FZD3: variants seen among roughly 807,000 people sequenced by gnomAD.
FZD3 encodes the protein frizzled-3.
In FZD3, 30 loss-of-function variants were observed where a neutral mutation model predicts 60.7. The ratio of observed to expected loss-of-function variants is 0.49; its 90% CI spans 0.37 to 0.67. The LOEUF is 0.67. Among genes scored for constraint, FZD3 ranks in the 30% least tolerant of loss-of-function variants. FZD3 has a pLI of 0.00. For synonymous variants in FZD3, 246 were observed against 275.2 expected, an observed-to-expected ratio of 0.89 and a Z score of 1.05; for missense variants, 605 against 838.7, an observed-to-expected ratio of 0.72 and a Z score of 3.44.
At position 28,566,761 on chromosome 8, in the gene FZD3, G is replaced by A. The variant is rs1805712257; in HGVS notation, c.*3750G>A. 6.6e-6 allele frequency: 1 copy of A among 151,932 alleles called. No individual in the cohort carries two copies. The highest frequency in any genetic ancestry group is 2.1e-4 in the South Asian group (1 of 4,822). The allele number at this position is 151,932 out of a possible 1,614,324, so 9.4% of individuals were successfully genotyped here. ...GTACATTTACATATTACCATATTTG[G>A]ATGACTTACATAGTCTGGTGTAATG... On this transcript the variant is annotated 3_prime_UTR_variant, in exon 8 of 8. Transcript: ENST00000240093.
intron 3 of FZD3, among the ~76,000 whole-genome samples, chr8:28,518,850 A>G (rs1295749694): frequency 6.6e-6 from 1 of 152,226 alleles, no homozygotes; most frequent in African/African-American, 2.4e-5. Flanking sequence ...GGCTGTACGT[A>G]TCAGGCTACC....
At position 28,571,339 on chromosome 8, in the gene FZD3, G is replaced by A. The variant is rs1223344581; in HGVS notation, c.*8328G>A. The A allele has an allele frequency of 1.3e-5, 2 of 152,106 alleles. No homozygotes were observed. The highest frequency in any genetic ancestry group is 4.8e-5 in the African/African-American group (2 of 41,424). The allele number at this position is 152,106 out of a possible 1,614,324, so 9.4% of individuals were successfully genotyped here. A position where few individuals can be genotyped will look rare whatever the true frequency, so the allele number is the denominator to read the frequency against. On this transcript the variant is annotated 3_prime_UTR_variant, in exon 8 of 8. Transcript: ENST00000240093. ...CATCTTGTCAGCAGAAACATTTAAT[G>A]TGAAATAATTCTGTATTTCTGAGAC...
At position 28,527,847 on chromosome 8, in the gene FZD3, G is replaced by T; in HGVS notation, c.1087G>T (p.Val363Phe). ...TGACAATATTAGTGGCGTGTGTTTT[G>T]TTGGCCTCTACGATGTTGATGCATT... The part of the protein sequence containing the change: ...EGDNISGVCF[V>F]GLYDVDALRY... Residue 363 changes from valine (V) to phenylalanine (F), a missense_variant, in exon 5 of 8, where the codon GTT becomes TTT. Coordinates refer to ENST00000240093, the MANE Select transcript of FZD3 (RefSeq NM_017412.4). This position sits in a 1 kb window ranked among gnomAD's most constrained non-coding sequence, Gnocchi z 5.0. 6.2e-7 allele frequency: 1 copy of T among 1,614,058 alleles called. No homozygotes were observed. Among genetic ancestry groups the T allele is most frequent in the Non-Finnish European group, 8.5e-7 (1 of 1,179,968 alleles).
chr8:28,497,030 T>G (rs1803862804), intron 1 of FZD3, among the ~76,000 whole-genome samples: 1 of 152,240 alleles, frequency 6.6e-6, no homozygotes, highest in Non-Finnish European at 1.5e-5. Context: ...AGTTTTATTT[T>G]CAGGTTAATT....
chr8:28,561,182 G>A (rs571358185), intron 7 of FZD3, among the ~76,000 whole-genome samples: 2 of 152,086 alleles, frequency 1.3e-5, no homozygotes, highest in African/African-American at 4.8e-5. Context: ...TTAGCCTCCC[G>A]AGTAGCTGGG....
chr8:28,556,058 G>T (rs1209905076), intron 7 of FZD3, 87 bp downstream of exon 7: 2 of 856,106 alleles, frequency 2.3e-6, no homozygotes, highest in Non-Finnish European at 3.8e-6. Context: ...TTCTGAAATA[G>T]AAGTCGAACA....
intron 1 of FZD3, among the ~76,000 whole-genome samples, chr8:28,499,364 A>T (rs1480705311): frequency 2.0e-5 from 3 of 152,110 alleles, no homozygotes; most frequent in Admixed American, 1.3e-4. Context: ...CATTTTTAGT[A>T]ACTATATAAT....
chr8:28,539,591 C>A (rs1290147057), intron 5 of FZD3, among the ~76,000 whole-genome samples: 1 of 152,178 alleles, frequency 6.6e-6, no homozygotes, highest in Admixed American at 6.6e-5. Flanking sequence ...GAACTGTTGT[C>A]ACTTACCAGT....
At chr8:28,522,733 A>G (rs1804615634) in intron 4 of FZD3, among the ~76,000 whole-genome samples, 1 of 148,810 alleles carries the variant, frequency 6.7e-6, no homozygotes, top group South Asian at 2.1e-4. Context: ...GATTGCCTAA[A>G]TTTGAAATCT....
Position 28,568,237 on chromosome 8 carries a change from AC to A in FZD3, c.*5227del, listed in dbSNP as rs1409051657. 1 of 152,208 alleles carries A rather than the reference AC, an allele frequency of 6.6e-6. No individual in the cohort carries two copies. Among genetic ancestry groups the A allele is most frequent in the African/African-American group, 2.4e-5 (1 of 41,468 alleles). The allele number at this position is 152,208 out of a possible 1,614,324, so 9.4% of individuals were successfully genotyped here. A position where few individuals can be genotyped will look rare whatever the true frequency, so the allele number is the denominator to read the frequency against. ...TACAGCTGATTAAGAAAAAATGTTT[AC>A]ATTTAATTCAGCTGTATTTCCTAGT... On this transcript the variant is annotated 3_prime_UTR_variant, in exon 8 of 8. Transcript: ENST00000240093.
In FZD3 at chr8:28,564,277, GA is replaced by G. The variant is rs1215217585; in HGVS notation, c.*1269del. The G allele has an allele frequency of 6.6e-6, 1 of 152,000 alleles. No individual in the cohort carries two copies. Among genetic ancestry groups the G allele is most frequent in the African/African-American group, 2.4e-5 (1 of 41,366 alleles). 9.4% of individuals were successfully genotyped at this position (152,000 alleles called of 1,614,324 possible). A position where few individuals can be genotyped will look rare whatever the true frequency, so the allele number is the denominator to read the frequency against. On this transcript the variant is annotated 3_prime_UTR_variant, in exon 8 of 8. Transcript: ENST00000240093. ...ATAAACTGTAAAACTTATTAGGCAT[GA>G]AATCAATCAGAAGAGAAAGAAAAAT...
At chr8:28,536,623 T>A (rs1372173443) in intron 5 of FZD3, among the ~76,000 whole-genome samples, 1 of 152,070 alleles carries the variant, frequency 6.6e-6, no homozygotes, top group African/African-American at 2.4e-5. Context: ...GCAGGAGAAT[T>A]GCTTGAACCC....
chr8:28,562,712 A>C, intron 7 of FZD3, 86 bp from the exon 8 acceptor site: 1 of 825,688 alleles, frequency 1.2e-6, no homozygotes. Context: ...AATTTCCCTT[A>C]CTGAGGCATT....
chr8:28,535,760 T>G (rs1804994367), intron 5 of FZD3, among the ~76,000 whole-genome samples: 1 of 152,208 alleles, frequency 6.6e-6, no homozygotes, highest in Non-Finnish European at 1.5e-5. Flanking sequence ...TATTGTGTAT[T>G]TTAAAATAAC....
Position 28,498,680 on chromosome 8 carries a change from C to T in FZD3, c.-390-1253C>T, listed in dbSNP as rs143329426. ...GCAACCTCCACCTCTCATGTTGAAGCAATTCTCAAGCCCCTCCTGAATAGC... is the reference window on the plus strand; with the variant it reads ...GCAACCTCCACCTCTCATGTTGAAGTAATTCTCAAGCCCCTCCTGAATAGC... On this transcript the variant is annotated intron_variant, in intron 1 of 7. Transcript: ENST00000240093. Among the ~76,000 whole-genome samples, 665 of 152,314 alleles carry T rather than the reference C, an allele frequency of 4.4e-3. 5 individuals carry two copies. Among genetic ancestry groups the T allele is most frequent in the Middle Eastern group, 0.014 (4 of 294 alleles).
chr8:28,519,177 AT>A (rs1387656930), intron 3 of FZD3, among the ~76,000 whole-genome samples: 1 of 152,228 alleles, frequency 6.6e-6, no homozygotes, highest in Non-Finnish European at 1.5e-5. Flanking sequence ...ATTCATCCAC[AT>A]TTGAAAGGCC....
chr8:28,524,323 A>G (rs1214203019), intron 4 of FZD3, among the ~76,000 whole-genome samples: 2 of 152,170 alleles, frequency 1.3e-5, no homozygotes, highest in Non-Finnish European at 2.9e-5. Flanking sequence ...TAGACCTCCA[A>G]ATAGACTGAT....
Position 28,571,499 on chromosome 8 carries a change from C to T in FZD3, c.*8488C>T, listed in dbSNP as rs181301259. The T allele has an allele frequency of 7.2e-5, 11 of 152,258 alleles. No homozygotes were observed. Among genetic ancestry groups the T allele is most frequent in the Admixed American group, 6.5e-4 (10 of 15,292 alleles). 9.4% of individuals were successfully genotyped at this position (152,258 alleles called of 1,614,324 possible). ...CCCAATGTGAAAATATTAGTCTGGACATTCTCTTGCCATCAGGTGCTATTT... is the reference window on the plus strand; with the variant it reads ...CCCAATGTGAAAATATTAGTCTGGATATTCTCTTGCCATCAGGTGCTATTT... On this transcript the variant is annotated 3_prime_UTR_variant, in exon 8 of 8. Transcript: ENST00000240093.
intron 5 of FZD3, among the ~76,000 whole-genome samples, chr8:28,529,807 C>G (rs1048288030): frequency 8.5e-5 from 13 of 152,096 alleles, no homozygotes; most frequent in African/African-American, 3.1e-4. Flanking sequence ...ACTAAAAACT[C>G]TTATTATGAG....
Sources: gnomAD v4.1 joint callset for allele counts (sites outside exome capture counted in the v4.1 genomes callset) on GRCh38, gnomAD v4.1.1 for gene constraint, Gnocchi (gnomAD v3.1) non-coding constraint, MANE v1.5 for transcripts, NCBI Gene and HGNC (gene_info 2026-07-23, HGNC 2026-07-21) for gene names.